The following ROBO1 variants were observed in gnomAD, a reference collection of about 807,000 sequenced individuals.
ROBO1 encodes the protein roundabout homolog 1.
Under a neutral mutation model 195.9 loss-of-function variants are expected in ROBO1, and 149 were observed. The observed-to-expected ratio is 0.76, with a 90% CI of 0.67 to 0.87. The LOEUF is 0.87. Among genes scored for constraint, ROBO1 ranks in the 40% least tolerant of loss-of-function variants. The pLI is 0.00. For synonymous variants in ROBO1, 816 were observed against 733.2 expected, an observed-to-expected ratio of 1.11 and a Z score of -1.82; for missense variants, 1,933 against 2,068.3, an observed-to-expected ratio of 0.93 and a Z score of 1.27.
At chr3:78,614,965 C>T (rs987282798) in intron 27 of ROBO1, among the ~76,000 whole-genome samples, 165 bp from the exon 28 acceptor site, 1 of 152,144 alleles carries the variant, frequency 6.6e-6, no homozygotes, top group Non-Finnish European at 1.5e-5. Flanking sequence ...GGCTTGTTGT[C>T]ACTCTGCTAT....
chr3:79,679,272 GATTTT>G (rs1946873950), intron 1 of ROBO1, among the ~76,000 whole-genome samples: 1 of 151,744 alleles, frequency 6.6e-6, no homozygotes, highest in Admixed American at 6.6e-5. Context: ...ACGTGTCTTT[GATTTT>G]ATTTTATATT....
chr3:79,197,500 C>T (rs191699757), intron 2 of ROBO1, among the ~76,000 whole-genome samples: 16 of 152,060 alleles, frequency 1.1e-4, no homozygotes, highest in East Asian at 1.9e-4. Context: ...AATAAACATA[C>T]GTGTGCATGT....
intron 2 of ROBO1, among the ~76,000 whole-genome samples, chr3:79,449,367 G>A (rs2039371109): frequency 6.6e-6 from 1 of 151,946 alleles, no homozygotes; most frequent in Non-Finnish European, 1.5e-5. Flanking sequence ...TGAGTTCTCT[G>A]ATTTATAAAA....
intron 2 of ROBO1, among the ~76,000 whole-genome samples, chr3:79,184,110 T>C (rs1165011713): frequency 1.3e-5 from 2 of 152,164 alleles, no homozygotes; most frequent in Non-Finnish European, 2.9e-5. Flanking sequence ...TCACCAGTGA[T>C]GTCAAGGGGA....
chr3:78,801,027 T>C (rs2084354392), intron 4 of ROBO1, among the ~76,000 whole-genome samples: 1 of 152,110 alleles, frequency 6.6e-6, no homozygotes, highest in South Asian at 2.1e-4. Context: ...AAACATAGAG[T>C]TCATTATTTT....
At chr3:78,974,633 T>C (rs530573103) in intron 3 of ROBO1, among the ~76,000 whole-genome samples, 64 of 152,298 alleles carry the variant, frequency 4.2e-4, no homozygotes, top group African/African-American at 1.4e-3. Context: ...TAGATTTTCA[T>C]AGAAATGGTT....
intron 3 of ROBO1, among the ~76,000 whole-genome samples, chr3:78,974,035 A>C (rs1475905387): frequency 6.6e-6 from 1 of 152,152 alleles, no homozygotes; most frequent in African/African-American, 2.4e-5. Flanking sequence ...CCAAATCAAA[A>C]GCATTTTTCT....
intron 2 of ROBO1, among the ~76,000 whole-genome samples, chr3:79,180,393 G>T (rs4533610): frequency 0.88 from 134,332 of 152,180 alleles, 61,039 homozygotes; most frequent in East Asian, 1. Context: ...TATAGTTAGG[G>T]GAAGGAGAAA....
At chr3:78,819,152 T>G (rs577827941) in intron 4 of ROBO1, among the ~76,000 whole-genome samples, 2 of 152,304 alleles carry the variant, frequency 1.3e-5, no homozygotes, top group South Asian at 4.1e-4. Context: ...ATATTCTGGA[T>G]GCTAATCCTT....
intron 1 of ROBO1, among the ~76,000 whole-genome samples, chr3:79,654,138 T>A (rs1277974198): frequency 6.6e-6 from 1 of 152,022 alleles, no homozygotes; most frequent in Middle Eastern, 3.2e-3. Context: ...GATATATTAC[T>A]CCGTCTACTA....
At chr3:79,407,720 T>C (rs2106828043) in intron 2 of ROBO1, among the ~76,000 whole-genome samples, 1 of 152,260 alleles carries the variant, frequency 6.6e-6, no homozygotes, top group South Asian at 2.1e-4. Context: ...TTCTTAAATA[T>C]TTTATAAAGT....
chr3:79,115,166 A>G (rs2079969392), intron 3 of ROBO1, among the ~76,000 whole-genome samples: 1 of 152,146 alleles, frequency 6.6e-6, no homozygotes, highest in East Asian at 1.9e-4. Flanking sequence ...CTTTCAAATC[A>G]CAAATGTGCA....
chr3:79,667,048 A>T (rs373246889), intron 1 of ROBO1, among the ~76,000 whole-genome samples: 1 of 151,890 alleles, frequency 6.6e-6, no homozygotes, highest in East Asian at 1.9e-4. Flanking sequence ...GTAACCAAAT[A>T]ACTCATATTT....
rs73113449 is a variant in ROBO1 at position 78,759,754 on chromosome 3, T to A, written c.500-12854A>T. Among the ~76,000 whole-genome samples, 1,038 of 152,322 alleles carry A rather than the reference T, an allele frequency of 6.8e-3. 6 individuals carry two copies. The highest frequency in any genetic ancestry group is 0.012 in the Non-Finnish European group (816 of 68,030). On this transcript the variant is annotated intron_variant, in intron 4 of 30. Transcript: ENST00000464233. ...TGAAATAAGGAACTGTGGAACATTT[T>A]CTATTTTTGCTGCCCCAGAGGTCTT...
intron 2 of ROBO1, among the ~76,000 whole-genome samples, chr3:79,250,917 T>C (rs1406501863): frequency 6.6e-6 from 1 of 152,072 alleles, no homozygotes; most frequent in Non-Finnish European, 1.5e-5. Context: ...TAGTCAGCTG[T>C]GGTGGCTCAA....
At chr3:79,597,214 G>T (rs550558552) in intron 1 of ROBO1, among the ~76,000 whole-genome samples, 1 of 151,876 alleles carries the variant, frequency 6.6e-6, no homozygotes, top group Admixed American at 6.6e-5. Flanking sequence ...GTATAAGTCC[G>T]CAGTTAACTC....
intron 1 of ROBO1, among the ~76,000 whole-genome samples, chr3:79,707,187 C>A (rs942121975): frequency 6.6e-6 from 1 of 152,042 alleles, no homozygotes; most frequent in African/African-American, 2.4e-5. Context: ...AGATATAGGT[C>A]TATACTGATT....
chr3:79,187,748 C>A (rs75585756), intron 2 of ROBO1, among the ~76,000 whole-genome samples: 1 of 151,946 alleles, frequency 6.6e-6, no homozygotes, highest in Non-Finnish European at 1.5e-5. Flanking sequence ...ATAGTCAATT[C>A]TATACAATTA....
intron 2 of ROBO1, among the ~76,000 whole-genome samples, chr3:79,379,092 T>C (rs2036482025): frequency 6.6e-6 from 1 of 152,190 alleles, no homozygotes; most frequent in Non-Finnish European, 1.5e-5. Flanking sequence ...TAAGGTTAGC[T>C]AGTGGAACAT....
Sources: gnomAD v4.1 joint callset for allele counts (sites outside exome capture counted in the v4.1 genomes callset) on GRCh38, gnomAD v4.1.1 for gene constraint, MANE v1.5 for transcripts, NCBI Gene and HGNC (gene_info 2026-07-23, HGNC 2026-07-21) for gene names.